MIOX: variants seen among roughly 807,000 people sequenced by gnomAD.
MIOX encodes inositol oxygenase.
A neutral mutation model predicts 42.7 loss-of-function variants in MIOX; 51 were observed. That is an observed-to-expected ratio of 1.19 (90% confidence interval 0.95 to 1.51). The LOEUF (loss-of-function observed/expected upper bound fraction) is 1.51, where lower values mean the gene tolerates loss of function less well. MIOX is among the 40% of genes most tolerant of loss of function. The probability of loss-of-function intolerance (pLI) is 0.00; values close to 1 mark genes in which losing one functional copy is unlikely to be tolerated. For missense variants in MIOX, 395 were observed against 381.3 expected, an observed-to-expected ratio of 1.04 and a Z score of -0.30; for synonymous variants, 168 against 154.4, an observed-to-expected ratio of 1.09 and a Z score of -0.65.
intron 3 of MIOX, 61 bp from the exon 4 acceptor site, chr22:50,487,825 G>A: frequency 6.2e-7 from 1 of 1,611,524 alleles, no homozygotes; most frequent in Non-Finnish European, 8.5e-7. Context: ...CGAGGGGATG[G>A]AGAGGCCTGT....
rs755742127 is a variant in MIOX, at chr22:50,487,387, C to G, written c.18C>G (p.Gly6=). The G allele has an allele frequency of 3.1e-6, 5 of 1,612,722 alleles. No homozygotes were observed. In the Admixed American group the frequency reaches 5.0e-5, roughly 16 times the overall value. The change falls in exon 2 of 10, where the codon GGC becomes GGG. Residue 6 remains glycine, a splice_region_variant and synonymous_variant. Coordinates refer to ENST00000216075, the MANE Select transcript of MIOX (RefSeq NM_017584.6). ...GGTTCAATCCTCCACCTACCCAGGG[C>G]CCAGACCCTTCCCTGGTCTACCGAC... MKVTV[G]PDPSLVYRPD...
Position 50,486,927 on chromosome 22 carries a change from C to G in MIOX, c.15+15C>G, listed in dbSNP as rs906743369. On this transcript the variant is annotated intron_variant, in intron 1 of 9. Transcript: ENST00000216075. ...AGGTGACGGTGGTGAGTACCCAGAC[C>G]CCATGCAGAGAGGCTCTGCTGACTG... 1.9e-6 allele frequency: 3 copies of G among 1,613,538 alleles called. No homozygotes were observed. The highest frequency in any genetic ancestry group is 1.3e-5 in the African/African-American group (1 of 74,910).
At chr22:50,488,457 C>T (rs989273483) in intron 5 of MIOX, 115 bp downstream of exon 5, 50 of 839,276 alleles carry the variant, frequency 6.0e-5, no homozygotes, top group Admixed American at 1.2e-4. Flanking sequence ...GCACCCCCCA[C>T]GGCCCCCCGA....
At position 50,489,621 on chromosome 22, in the gene MIOX, G is replaced by A. The variant is rs772184983; in HGVS notation, c.726G>A (p.Met242Ile). ...QQLCSQQDLA[M>I]LPWVREFNKF... ...TGTGCAGCCAGCAGGACCTGGCCAT[G>A]CTGCCCTGGGTGCGGGAGTTCAAGT... The change falls in exon 9 of 10, where the codon ATG becomes ATA. Residue 242 changes from methionine (M) to isoleucine (I), a missense_variant. Transcript: ENST00000216075. 2 of 1,611,942 alleles carry A rather than the reference G, an allele frequency of 1.2e-6. No homozygotes were observed. Among genetic ancestry groups the A allele is most frequent in the African/African-American group, 1.3e-5 (1 of 74,894 alleles).
At position 50,489,143 on chromosome 22, in the gene MIOX, G is replaced by A. The variant is rs140441485; in HGVS notation, c.512G>A (p.Arg171Gln). The A allele has an allele frequency of 9.2e-5, 149 of 1,613,066 alleles. No individual in the cohort carries two copies. The highest frequency in any genetic ancestry group is 7.9e-4 in the African/African-American group (59 of 74,792). The part of the protein sequence containing the change: ...FQDNPDLQDP[R>Q]YSTELGMYQP... The stretch of plus-strand genomic sequence containing the variant: ...GACAACCCTGACCTCCAGGATCCTC[G>A]ATACAGGTGCTCCCTGCTGCTGAGG... The change falls in exon 6 of 10, where the codon CGA (arginine) becomes CAA (glutamine). Residue 171 changes from arginine (R) to glutamine (Q), a missense_variant. Coordinates refer to ENST00000216075, the MANE Select transcript of MIOX (RefSeq NM_017584.6).
Position 50,489,615 on chromosome 22 carries a change from G to A in MIOX, c.720G>A (p.Leu240=), listed in dbSNP as rs779172305. ...AGCAGCTGTGCAGCCAGCAGGACCT[G>A]GCCATGCTGCCCTGGGTGCGGGAGT... The part of the protein sequence containing the change: ...DYQQLCSQQD[L]AMLPWVREFN... Residue 240 remains leucine (L), a synonymous_variant, in exon 9 of 10, where the codon CTG becomes CTA. Transcript: ENST00000216075. 3 of 1,612,272 alleles carry A rather than the reference G, an allele frequency of 1.9e-6. No individual in the cohort carries two copies. Among genetic ancestry groups the A allele is most frequent in the Non-Finnish European group, 1.7e-6 (2 of 1,179,828 alleles).
At chr22:50,487,354 G>A in intron 1 of MIOX, 31 bp from the exon 2 acceptor site, 1 of 1,568,828 alleles carries the variant, frequency 6.4e-7, no homozygotes, top group Non-Finnish European at 8.7e-7. Flanking sequence ...TGACATGATG[G>A]TGAAATAGGT....
rs1201714198 is a variant in MIOX, at chr22:50,488,059, G to A, written c.340+11G>A. The A allele has an allele frequency of 6.2e-7, 1 of 1,613,080 alleles. No homozygotes were observed. Among genetic ancestry groups the A allele is most frequent in the African/African-American group, 1.3e-5 (1 of 74,928 alleles). ...CCCACCCAGACAAGGGTGAGCCCTG[G>A]CTGTGCTGCAGGGGGGCAGGTGCTG... On this transcript the variant is annotated intron_variant, in intron 4 of 9. Coordinates refer to ENST00000216075, the MANE Select transcript of MIOX (RefSeq NM_017584.6).
chr22:50,489,817 G>T lies in MIOX; in HGVS notation c.819G>T (p.Gly273=). Residue 273 remains glycine (G), a synonymous_variant, in exon 10 of 10, where the codon GGG becomes GGT. Coordinates refer to ENST00000216075, the MANE Select transcript of MIOX (RefSeq NM_017584.6). ...DVDKLRPYYQ[G]LIDKYCPGIL... ...ACAAGCTGCGGCCCTACTACCAGGG[G>T]CTCATTGACAAGTACTGCCCTGGCA... 1 of 1,611,620 alleles carries T rather than the reference G, an allele frequency of 6.2e-7. No individual in the cohort carries two copies. The highest frequency in any genetic ancestry group is 1.7e-5 in the Admixed American group (1 of 60,018).
chr22:50,489,740 T>A lies in MIOX; in HGVS notation c.750-8T>A. On this transcript the variant is annotated splice_polypyrimidine_tract_variant and splice_region_variant and intron_variant, in intron 9 of 9. Coordinates refer to ENST00000216075, the MANE Select transcript of MIOX (RefSeq NM_017584.6). ...CTTCACGGGGCTCACCGCCCCTCCC[T>A]GCTGCAGCAAGTTCGACCTCTACAC... is the stretch of plus-strand genomic sequence containing the variant. The A allele has an allele frequency of 6.2e-7, 1 of 1,611,656 alleles. No homozygotes were observed. The highest frequency in any genetic ancestry group is 8.5e-7 in the Non-Finnish European group (1 of 1,179,810).
chr22:50,489,889 G>T lies in MIOX; in HGVS notation c.*33G>T. 1 of 1,593,304 alleles carries T rather than the reference G, an allele frequency of 6.3e-7. No homozygotes were observed. On this transcript the variant is annotated 3_prime_UTR_variant, in exon 10 of 10. Coordinates refer to ENST00000216075, the MANE Select transcript of MIOX (RefSeq NM_017584.6). The stretch of plus-strand genomic sequence containing the variant: ...GCCACCCAAGCTGCTGCTGGACCTA[G>T]GCCTGGCCCTCCGCCTGCCTGGAGA...
chr22:50,489,399 T>G lies in MIOX; in HGVS notation c.589T>G (p.Tyr197Asp). The change falls in exon 8 of 10, where the codon TAC becomes GAC. Residue 197 changes from tyrosine (Y) to aspartate (D), a missense_variant and splice_region_variant. Physicochemically the swap from Tyr to Asp is radical, Grantham distance 160. Coordinates refer to ENST00000216075, the MANE Select transcript of MIOX (RefSeq NM_017584.6). ...RVLMSWGHDE[Y>D]MYQVMKFNKF... is the part of the protein sequence containing the mutation. The stretch of plus-strand genomic sequence containing the variant: ...CTGGTGACACCCTCTCCCCACAGAG[T>G]ACATGTACCAGGTGATGAAGTTTAA... 1.3e-6 allele frequency: 2 copies of G among 1,591,668 alleles called. No individual in the cohort carries two copies. The highest frequency in any genetic ancestry group is 1.7e-6 in the Non-Finnish European group (2 of 1,173,734).
Position 50,488,004 on chromosome 22 carries a change from C to A in MIOX, c.296C>A (p.Ala99Asp). The stretch of plus-strand genomic sequence containing the variant: ...GTAGATTTCCCCAACTCCTTCCATG[C>A]CTTCCAGACAGCGGAGGGCATCCGG... ...PDVDFPNSFHAFQTAEGIRKA... is the reference protein window; with the variant it reads ...PDVDFPNSFHDFQTAEGIRKA... Residue 99 changes from alanine to aspartate, a missense_variant, in exon 4 of 10, where the codon GCC becomes GAC. Physicochemically the swap from Ala to Asp is moderately radical, Grantham distance 126 (BLOSUM62 -2). Coordinates refer to ENST00000216075, the MANE Select transcript of MIOX (RefSeq NM_017584.6). 1 of 1,613,966 alleles carries A rather than the reference C, an allele frequency of 6.2e-7. No individual in the cohort carries two copies. Among genetic ancestry groups the A allele is most frequent in the Non-Finnish European group, 8.5e-7 (1 of 1,179,934 alleles).
In MIOX at chr22:50,489,512, C is replaced by T. The variant is rs377329207; in HGVS notation, c.637-20C>T. The T allele has an allele frequency of 5.0e-6, 8 of 1,612,190 alleles. No individual in the cohort carries two copies. The highest frequency in any genetic ancestry group is 4.2e-6 in the Non-Finnish European group (5 of 1,179,708). Reference sequence around the variant, plus strand: ...CGGTCCTGCAGCCCCAAGTGAGCCGCTGGGTGGCCTTGCCCGCAGGCTTTC... The same window carrying T: ...CGGTCCTGCAGCCCCAAGTGAGCCGTTGGGTGGCCTTGCCCGCAGGCTTTC... On this transcript the variant is annotated intron_variant, in intron 8 of 9. Transcript: ENST00000216075.
chr22:50,488,169 T>G, intron 4 of MIOX, 106 bp from the exon 5 acceptor site: 1 of 1,584,472 alleles, frequency 6.3e-7, no homozygotes, highest in Non-Finnish European at 8.6e-7. Flanking sequence ...CTGCCTGGGT[T>G]GGGGAGCAGG....
intron 5 of MIOX, among the ~76,000 whole-genome samples, chr22:50,488,590 C>T (rs2068306373): frequency 7.0e-6 from 1 of 142,832 alleles, no homozygotes; most frequent in African/African-American, 2.6e-5. Context: ...CGGTGCTTGG[C>T]CTGGGATACT....
In MIOX at chr22:50,489,978, CT is replaced by C; in HGVS notation, c.*124del. 1.2e-6 allele frequency: 1 copy of C among 855,592 alleles called. No individual in the cohort carries two copies. Among genetic ancestry groups the C allele is most frequent in the Non-Finnish European group, 1.8e-6 (1 of 542,860 alleles). 53.0% of individuals were successfully genotyped at this position (855,592 alleles called of 1,614,324 possible). ...CTCGGTGGGGGACCCCACTCACCCC[CT>C]TAGGGTCGCCACCCCTCACGGCAAC... On this transcript the variant is annotated 3_prime_UTR_variant, in exon 10 of 10. Transcript: ENST00000216075.
intron 3 of MIOX, 24 bp from the exon 4 acceptor site, chr22:50,487,862 C>G: frequency 6.2e-7 from 1 of 1,613,274 alleles, no homozygotes; most frequent in Non-Finnish European, 8.5e-7. Context: ...CCCTGGGCCA[C>G]ACTGCCTTCT....
At position 50,490,308 on chromosome 22, in the gene MIOX, T is replaced by C. The variant is rs192934949; in HGVS notation, c.*452T>C. The C allele has an allele frequency of 8.5e-4, 155 of 182,262 alleles. 1 individual carries two copies. In the East Asian group the frequency reaches 0.018, roughly 22 times the overall value. 11.3% of individuals were successfully genotyped at this position (182,262 alleles called of 1,614,324 possible). On this transcript the variant is annotated 3_prime_UTR_variant, in exon 10 of 10. Transcript: ENST00000216075. Reference sequence around the variant, plus strand: ...TACCCCAATAGCTAAAATAATACATTCATAGAAAACAACAAAAAACAAATG... The same window carrying C: ...TACCCCAATAGCTAAAATAATACATCCATAGAAAACAACAAAAAACAAATG...
Sources: gnomAD v4.1 joint callset for allele counts (sites outside exome capture counted in the v4.1 genomes callset) on GRCh38, gnomAD v4.1.1 for gene constraint, MANE v1.5 for transcripts, NCBI Gene and HGNC (gene_info 2026-07-23, HGNC 2026-07-21) for gene names.